The following PCSK2 variants were observed in gnomAD, a reference collection of about 807,000 sequenced individuals.
PCSK2 encodes the protein proprotein convertase subtilisin/kexin type 2, also known as neuroendocrine convertase 2.
Under a neutral mutation model 69.7 loss-of-function variants are expected in PCSK2, and 14 were observed. The observed-to-expected ratio is 0.20, with a 90% CI of 0.13 to 0.31. The LOEUF (loss-of-function observed/expected upper bound fraction) is 0.31, where lower values mean the gene tolerates loss of function less well. Among genes scored for constraint, PCSK2 ranks in the 10% least tolerant of loss-of-function variants. The probability of loss-of-function intolerance (pLI) is 1.00; values close to 1 mark genes in which losing one functional copy is unlikely to be tolerated. For missense variants in PCSK2, 544 were observed against 842.5 expected (o/e 0.65, Z 4.39); for synonymous variants, 307 against 320.7 (o/e 0.96, Z 0.46).
intron 6 of PCSK2, among the ~76,000 whole-genome samples, chr20:17,425,436 T>C (rs2032226343): frequency 6.6e-6 from 1 of 152,210 alleles, no homozygotes. Context: ...CAAAGACTGC[T>C]TTGTACTGAT....
intron 2 of PCSK2, among the ~76,000 whole-genome samples, chr20:17,329,038 G>A (rs1303315542): frequency 1.3e-5 from 2 of 152,178 alleles, no homozygotes; most frequent in African/African-American, 2.4e-5. Flanking sequence ...CCATTAGCAG[G>A]TTGGGAATGG....
At chr20:17,326,394 A>G (rs1320812560) in intron 2 of PCSK2, among the ~76,000 whole-genome samples, 1 of 152,266 alleles carries the variant, frequency 6.6e-6, no homozygotes, top group Non-Finnish European at 1.5e-5. Context: ...ATGATGAATA[A>G]AAGTAATATG....
At chr20:17,393,542 CA>C (rs201099445) in intron 5 of PCSK2, among the ~76,000 whole-genome samples, 2,258 of 152,020 alleles carry the variant, frequency 0.015, 59 homozygotes, top group African/African-American at 0.052. Context: ...CATTTATCTT[CA>C]AAAAGATGAA....
chr20:17,392,152 A>G (rs1009421683), intron 5 of PCSK2, among the ~76,000 whole-genome samples: 9 of 152,186 alleles, frequency 5.9e-5, no homozygotes, highest in African/African-American at 9.7e-5. Context: ...GAATGGAGTC[A>G]AACACTTTCT....
intron 11 of PCSK2, among the ~76,000 whole-genome samples, chr20:17,473,933 G>A (rs1013111046): frequency 2.0e-5 from 3 of 152,168 alleles, no homozygotes; most frequent in Non-Finnish European, 2.9e-5. Flanking sequence ...GGATCGGGGC[G>A]TTTTTCTAGC....
chr20:17,398,737 T>C (rs1479704386), intron 5 of PCSK2, among the ~76,000 whole-genome samples: 1 of 151,638 alleles, frequency 6.6e-6, no homozygotes, highest in African/African-American at 2.4e-5. Context: ...AAAGAGGTTC[T>C]GTTGGGTTTG....
chr20:17,278,491 G>GC (rs1988178922), intron 2 of PCSK2, among the ~76,000 whole-genome samples: 1 of 152,068 alleles, frequency 6.6e-6, no homozygotes, highest in Non-Finnish European at 1.5e-5. Context: ...AACACCGCAT[G>GC]TTCTCACTCA....
intron 6 of PCSK2, among the ~76,000 whole-genome samples, chr20:17,410,922 G>A (rs1306283461): frequency 6.6e-6 from 1 of 152,130 alleles, no homozygotes; most frequent in Non-Finnish European, 1.5e-5. Flanking sequence ...CATATCCACT[G>A]GCTACTTGCT....
At chr20:17,392,044 A>G (rs916322966) in intron 5 of PCSK2, among the ~76,000 whole-genome samples, 1 of 152,158 alleles carries the variant, frequency 6.6e-6, no homozygotes, top group African/African-American at 2.4e-5. Flanking sequence ...AAGGAGTCCC[A>G]AATATCCCCT....
intron 2 of PCSK2, 118 bp downstream of exon 2, chr20:17,260,462 G>C (rs1197898470): frequency 2.3e-5 from 16 of 689,024 alleles, no homozygotes; most frequent in Non-Finnish European, 4.2e-5. Context: ...TACTATGATA[G>C]GGCAAATGAA....
chr20:17,483,565 C>T lies in PCSK2; in HGVS notation c.*1495C>T, dbSNP rs1316304994. On this transcript the variant is annotated 3_prime_UTR_variant, in exon 12 of 12. Coordinates refer to ENST00000262545, the MANE Select transcript of PCSK2 (RefSeq NM_002594.5). ...GAGCAGAGAGCTTAGCCTGGAGCAC[C>T]TTTCCTTCAAGCCAGCAACACAGAG... 1.3e-5 allele frequency: 2 copies of T among 152,268 alleles called. No homozygotes were observed. The highest frequency in any genetic ancestry group is 2.9e-5 in the Non-Finnish European group (2 of 68,026). 9.4% of individuals were successfully genotyped at this position (152,268 alleles called of 1,614,324 possible). A position where few individuals can be genotyped will look rare whatever the true frequency, so the allele number is the denominator to read the frequency against.
intron 2 of PCSK2, among the ~76,000 whole-genome samples, chr20:17,303,534 T>TATAA (rs1419945508): frequency 7.2e-5 from 3 of 41,726 alleles, no homozygotes; most frequent in African/African-American, 2.3e-4. Flanking sequence ...ATATATTATA[T>TATAA]TATATATAAT....
chr20:17,402,052 C>T (rs188471712), intron 5 of PCSK2, among the ~76,000 whole-genome samples: 5 of 152,208 alleles, frequency 3.3e-5, no homozygotes, highest in Admixed American at 1.3e-4. Context: ...AATAGCAAGC[C>T]GAGCAAGAAG....
At chr20:17,452,639 G>A (rs1415813905) in intron 8 of PCSK2, among the ~76,000 whole-genome samples, 1 of 152,202 alleles carries the variant, frequency 6.6e-6, no homozygotes, top group Non-Finnish European at 1.5e-5. Context: ...GGGTAACCAA[G>A]CCACCCTGGG....
chr20:17,276,459 C>T (rs1600439000), intron 2 of PCSK2, among the ~76,000 whole-genome samples: 1 of 151,708 alleles, frequency 6.6e-6, no homozygotes, highest in Non-Finnish European at 1.5e-5. Flanking sequence ...CACACACACA[C>T]ACACACACAC....
At chr20:17,420,113 G>A (rs1220476264) in intron 6 of PCSK2, among the ~76,000 whole-genome samples, 1 of 152,088 alleles carries the variant, frequency 6.6e-6, no homozygotes, top group Non-Finnish European at 1.5e-5. Flanking sequence ...AATAAGAAAG[G>A]TTTTCTGGGA....
In PCSK2 at chr20:17,465,419, TG is replaced by T; in HGVS notation, c.1300del (p.Val434SerfsTer20). 1.2e-6 allele frequency: 2 copies of T among 1,614,100 alleles called. No homozygotes were observed. The highest frequency in any genetic ancestry group is 1.7e-6 in the Non-Finnish European group (2 of 1,179,998). On this transcript the variant is annotated frameshift_variant, in exon 11 of 12. Transcript: ENST00000262545. LOFTEE classifies it high-confidence loss of function. Reference protein sequence around the residue: ...HDEVHQWRRNGVGLEFNHLFG... With the variant: ...HDEVHQWRRNXVGLEFNHLFG... ...ACGAGGTCCATCAGTGGCGGCGCAA[TG>T]GGGTCGGCCTGGAATTTAATCACCT...
chr20:17,408,384 C>T (rs1184371715), intron 5 of PCSK2, among the ~76,000 whole-genome samples: 1 of 151,644 alleles, frequency 6.6e-6, no homozygotes, highest in African/African-American at 2.4e-5. Flanking sequence ...AACTAAAGAC[C>T]TAAATGTTAA....
At chr20:17,367,347 A>G (rs2030623894) in intron 4 of PCSK2, among the ~76,000 whole-genome samples, 1 of 152,218 alleles carries the variant, frequency 6.6e-6, no homozygotes, top group Non-Finnish European at 1.5e-5. Flanking sequence ...GTTTACTATA[A>G]GCTGAAGACT....
Sources: gnomAD v4.1 joint callset for allele counts (sites outside exome capture counted in the v4.1 genomes callset) on GRCh38, gnomAD v4.1.1 for gene constraint, MANE v1.5 for transcripts, NCBI Gene and HGNC (gene_info 2026-07-23, HGNC 2026-07-21) for gene names.